The following PDZRN4 variants were observed in gnomAD, a reference collection of about 807,000 sequenced individuals.
The protein encoded by PDZRN4 is PDZ domain containing ring finger 4.
In PDZRN4, 70 loss-of-function variants were observed where a neutral mutation model predicts 99.0. The ratio of observed to expected loss-of-function variants is 0.71; its 90% CI spans 0.58 to 0.86. The LOEUF is 0.86. PDZRN4 is among the 40% of genes least tolerant of loss of function. PDZRN4 has a pLI of 0.00. For synonymous variants in PDZRN4, 551 were observed against 501.6 expected (o/e 1.10, Z -1.32); for missense variants, 1,474 against 1,331.2 (o/e 1.11, Z -1.67).
In PDZRN4 at chr12:41,188,536, G is replaced by C; in HGVS notation, c.81G>C (p.Glu27Asp). 6.3e-7 allele frequency: 1 copy of C among 1,577,662 alleles called. No homozygotes were observed. The highest frequency in any genetic ancestry group is 1.3e-5 in the African/African-American group (1 of 74,418). The part of the protein sequence containing the change: ...ECKLCGQVLE[E>D]PLCTPCGHVF... ...AACTGTGCGGCCAGGTGCTTGAAGA[G>C]CCCCTGTGCACGCCGTGCGGGCACG... Residue 27 changes from glutamate (E) to aspartate (D), a missense_variant, in exon 1 of 10, where the codon GAG becomes GAC. Coordinates refer to ENST00000402685, the MANE Select transcript of PDZRN4 (RefSeq NM_001164595.2).
intron 3 of PDZRN4, among the ~76,000 whole-genome samples, chr12:41,446,629 G>T (rs1363674348): frequency 2.0e-5 from 3 of 151,692 alleles, no homozygotes; most frequent in Non-Finnish European, 2.9e-5. Flanking sequence ...CTGCTAGATA[G>T]TAACACAGGA....
At chr12:41,435,361 ATTTCTT>A (rs1374092638) in intron 3 of PDZRN4, among the ~76,000 whole-genome samples, 1 of 152,208 alleles carries the variant, frequency 6.6e-6, no homozygotes, top group Non-Finnish European at 1.5e-5. Context: ...TGATAATTAA[ATTTCTT>A]ACTTGGCTTT....
At chr12:41,290,446 G>T (rs1951450617) in intron 3 of PDZRN4, among the ~76,000 whole-genome samples, 1 of 151,942 alleles carries the variant, frequency 6.6e-6, no homozygotes, top group East Asian at 1.9e-4. Context: ...ATTCCTTTTT[G>T]CCATTTTATT....
At chr12:41,210,763 T>C (rs1293800555) in intron 3 of PDZRN4, among the ~76,000 whole-genome samples, 8 of 151,970 alleles carry the variant, frequency 5.3e-5, no homozygotes, top group Non-Finnish European at 1.5e-5. Flanking sequence ...TTCCATATTT[T>C]TTGTGTATTT....
intron 3 of PDZRN4, among the ~76,000 whole-genome samples, chr12:41,415,348 G>A (rs1419323591): frequency 6.7e-6 from 1 of 148,500 alleles, no homozygotes; most frequent in African/African-American, 2.4e-5. Flanking sequence ...ACAAATATAT[G>A]TGTAATATAT....
intron 3 of PDZRN4, among the ~76,000 whole-genome samples, chr12:41,463,294 C>T (rs1565589522): frequency 6.6e-6 from 1 of 152,158 alleles, no homozygotes. Flanking sequence ...TTCTCCACTT[C>T]AGGGATGCCT....
intron 5 of PDZRN4, among the ~76,000 whole-genome samples, chr12:41,539,865 T>A (rs10880095): frequency 6.6e-6 from 1 of 152,170 alleles, no homozygotes; most frequent in East Asian, 1.9e-4. Context: ...CTGAAATAGA[T>A]ACATGTAGAC....
chr12:41,302,962 A>ACT (rs3046819), intron 3 of PDZRN4, among the ~76,000 whole-genome samples: 59,501 of 147,270 alleles, frequency 0.4, 13,850 homozygotes, highest in Middle Eastern at 0.62. Flanking sequence ...ACACACACAC[A>ACT]CTCACACACA....
In PDZRN4 at chr12:41,191,023, T is replaced by C. The variant is rs551166209; in HGVS notation, c.649-435T>C. 5.3e-5 allele frequency among the ~76,000 whole-genome samples: 8 copies of C among 152,328 alleles called. No homozygotes were observed. In the South Asian group the frequency reaches 1.5e-3, roughly 28 times the overall value. On this transcript the variant is annotated intron_variant, in intron 1 of 9. Transcript: ENST00000402685. ...CTATAATTTATAAATAGTTCCAGTG[T>C]TTCTTAAATTCCTTAAGACTTTACA...
chr12:41,299,965 T>C (rs1157041168), intron 3 of PDZRN4, among the ~76,000 whole-genome samples: 1 of 151,972 alleles, frequency 6.6e-6, no homozygotes, highest in Non-Finnish European at 1.5e-5. Context: ...AGTGCATATA[T>C]CTTTATTCAA....
intron 3 of PDZRN4, among the ~76,000 whole-genome samples, chr12:41,296,032 A>G (rs1191700753): frequency 1.3e-5 from 2 of 152,146 alleles, no homozygotes; most frequent in African/African-American, 4.8e-5. Flanking sequence ...AAAAGGATCT[A>G]TGGTTAAAAG....
chr12:41,366,044 A>C (rs911169942), intron 3 of PDZRN4, among the ~76,000 whole-genome samples: 21 of 152,156 alleles, frequency 1.4e-4, no homozygotes, highest in Non-Finnish European at 2.6e-4. Flanking sequence ...TGCTCTGAGC[A>C]GCTGCTCCCA....
intron 3 of PDZRN4, among the ~76,000 whole-genome samples, chr12:41,407,367 G>A (rs1252943813): frequency 1.3e-5 from 2 of 152,186 alleles, no homozygotes; most frequent in African/African-American, 4.8e-5. Context: ...CTGAGCAAAG[G>A]GTTCTTTGTG....
In PDZRN4 at chr12:41,317,048, G is replaced by GTATACATACATATATATATAA. The variant is rs374645706; in HGVS notation, c.843+122864_843+122865insCATACATATATATATAATATA. Among the ~76,000 whole-genome samples, 7 of 69,588 alleles carry GTATACATACATATATATATAA rather than the reference G, an allele frequency of 1.0e-4. No homozygotes were observed. In the East Asian group the frequency reaches 2.9e-3, roughly 29 times the overall value. 45.7% of individuals were successfully genotyped at this position (69,588 alleles called of 152,430 possible). ...TCCAGAGAATCATAACTTACATAAA[G>GTATACATACATATATATATAA]TATATATATATATATATATATATAT... is the stretch of plus-strand genomic sequence containing the variant. On this transcript the variant is annotated intron_variant, in intron 3 of 9. Coordinates refer to ENST00000402685, the MANE Select transcript of PDZRN4 (RefSeq NM_001164595.2).
intron 3 of PDZRN4, among the ~76,000 whole-genome samples, chr12:41,198,578 C>T (rs1950793883): frequency 7.4e-6 from 1 of 135,046 alleles, no homozygotes; most frequent in South Asian, 2.4e-4. Flanking sequence ...AAATAGTTCC[C>T]ACATTGGAAC....
intron 3 of PDZRN4, among the ~76,000 whole-genome samples, chr12:41,246,758 T>G (rs1369102875): frequency 2.0e-5 from 3 of 152,216 alleles, no homozygotes; most frequent in Non-Finnish European, 4.4e-5. Flanking sequence ...TCTGTTATTC[T>G]TAATGCCTTT....
chr12:41,297,411 T>C (rs926653368), intron 3 of PDZRN4, among the ~76,000 whole-genome samples: 5 of 152,186 alleles, frequency 3.3e-5, no homozygotes, highest in African/African-American at 1.2e-4. Flanking sequence ...GTTCTGGCCC[T>C]GGTCCTGTCC....
intron 3 of PDZRN4, among the ~76,000 whole-genome samples, chr12:41,403,577 G>A (rs770042775): frequency 6.6e-6 from 1 of 152,118 alleles, no homozygotes; most frequent in Admixed American, 6.6e-5. Context: ...AAATGTACTA[G>A]AAATACGCAG....
Position 41,407,863 on chromosome 12 carries a change from G to A in PDZRN4, c.844-98593G>A, listed in dbSNP as rs187663532. On this transcript the variant is annotated intron_variant, in intron 3 of 9. Coordinates refer to ENST00000402685, the MANE Select transcript of PDZRN4 (RefSeq NM_001164595.2). ...AACTGGCATGAACAAATTTGGTAACGTAAAAGGCATTTTTCTTATCTAAGC... is the reference window on the plus strand; with the variant it reads ...AACTGGCATGAACAAATTTGGTAACATAAAAGGCATTTTTCTTATCTAAGC... Among the ~76,000 whole-genome samples, 60 of 152,288 alleles carry A rather than the reference G, an allele frequency of 3.9e-4. 1 individual carries two copies. The highest frequency in any genetic ancestry group is 2.2e-3 in the Admixed American group (34 of 15,292).
Sources: allele counts gnomAD v4.1 joint callset (sites outside exome capture counted in the v4.1 genomes callset), GRCh38; gene constraint gnomAD v4.1.1; transcripts MANE v1.5; gene names NCBI Gene and HGNC (gene_info 2026-07-23, HGNC 2026-07-21).